Variants in GRID1 observed in about 807,000 individuals in gnomAD.
GRID1 encodes the protein glutamate receptor ionotropic, delta-1.
Under a neutral mutation model 98.0 loss-of-function variants are expected in GRID1, and 28 were observed. That is an observed-to-expected ratio of 0.29 (90% CI 0.21 to 0.39). The LOEUF is 0.39. Among genes scored for constraint, GRID1 ranks in the 10% least tolerant of loss-of-function variants. The pLI, the probability that GRID1 is intolerant of heterozygous loss-of-function variation, is 1.00. For missense variants in GRID1, 1,111 were observed against 1,340.5 expected (o/e 0.83, Z 2.67); for synonymous variants, 553 against 538.5 (o/e 1.03, Z -0.37).
chr10:85,805,982 A>G (rs1286760328), intron 8 of GRID1, among the ~76,000 whole-genome samples: 1 of 151,758 alleles, frequency 6.6e-6, no homozygotes, highest in African/African-American at 2.4e-5. Context: ...GGACCCCATA[A>G]CTATCATGCT....
chr10:85,948,650 G>T (rs1463684100), intron 4 of GRID1, among the ~76,000 whole-genome samples: 1 of 152,148 alleles, frequency 6.6e-6, no homozygotes, highest in Non-Finnish European at 1.5e-5. Flanking sequence ...ATTTAAAGCA[G>T]GTCACATATA....
intron 4 of GRID1, among the ~76,000 whole-genome samples, chr10:85,994,691 C>A (rs912916306): frequency 2.9e-4 from 44 of 152,204 alleles, no homozygotes; most frequent in Admixed American, 2.4e-3. Context: ...TGGGGTCCCC[C>A]AGCTGGTCGC....
intron 4 of GRID1, among the ~76,000 whole-genome samples, chr10:86,112,977 T>C (rs1223382252): frequency 1.3e-5 from 2 of 152,150 alleles, no homozygotes; most frequent in African/African-American, 4.8e-5. Context: ...GTATTTAAAG[T>C]ACCAAGACTC....
intron 2 of GRID1, among the ~76,000 whole-genome samples, chr10:86,297,664 A>C (rs868519625): frequency 1.1e-4 from 17 of 152,374 alleles, no homozygotes; most frequent in Middle Eastern, 6.8e-3. Flanking sequence ...GATAACTAAA[A>C]TTAAAAATAG....
chr10:85,794,559 C>T (rs1023496351), intron 8 of GRID1, among the ~76,000 whole-genome samples: 9 of 152,196 alleles, frequency 5.9e-5, no homozygotes, highest in Non-Finnish European at 1.3e-4. Flanking sequence ...TGATTATAAA[C>T]GTTAGTGTCC....
At chr10:86,110,065 C>A (rs1362875415) in intron 4 of GRID1, among the ~76,000 whole-genome samples, 1 of 150,422 alleles carries the variant, frequency 6.6e-6, no homozygotes, top group Non-Finnish European at 1.5e-5. Context: ...CTCTGCCTCT[C>A]GGGTTCAAGC....
chr10:85,772,211 C>T (rs1842277128), intron 8 of GRID1, among the ~76,000 whole-genome samples: 1 of 152,074 alleles, frequency 6.6e-6, no homozygotes, highest in Non-Finnish European at 1.5e-5. Context: ...ACAACCTGCT[C>T]CTGAATGACT....
At chr10:85,617,420 G>A (rs1268479448) in intron 14 of GRID1, among the ~76,000 whole-genome samples, 2 of 152,054 alleles carry the variant, frequency 1.3e-5, no homozygotes, top group African/African-American at 4.8e-5. Context: ...TTTTAGTAGA[G>A]ACAGGGTTTT....
chr10:86,146,485 C>T (rs68141557), intron 3 of GRID1, among the ~76,000 whole-genome samples: 2 of 152,162 alleles, frequency 1.3e-5, no homozygotes, highest in African/African-American at 2.4e-5. Flanking sequence ...ATGGCAGCAG[C>T]GTCTGCCATT....
In GRID1 at chr10:86,124,307, C is replaced by T. The variant is rs373653886; in HGVS notation, c.726+14512G>A. ...AGTGCTTTGATCTTGGACACCTCCC[C>T]AATGTCACCTGCCACCACTCTCCCC... On this transcript the variant is annotated intron_variant, in intron 4 of 15. Coordinates refer to ENST00000327946, the MANE Select transcript of GRID1 (RefSeq NM_017551.3). Among the ~76,000 whole-genome samples, 15 of 152,284 alleles carry T rather than the reference C, an allele frequency of 9.9e-5. No individual in the cohort carries two copies. In the South Asian group the frequency reaches 2.9e-3, roughly 30 times the overall value.
At chr10:85,930,255 CGGTT>C (rs2131832059) in intron 4 of GRID1, among the ~76,000 whole-genome samples, 1 of 94,656 alleles carries the variant, frequency 1.1e-5, no homozygotes, top group Non-Finnish European at 2.1e-5. Flanking sequence ...AAATAACTTG[CGGTT>C]ATTTATAACT....
At chr10:85,919,461 A>G (rs1036919944) in intron 4 of GRID1, among the ~76,000 whole-genome samples, 2 of 148,136 alleles carry the variant, frequency 1.4e-5, no homozygotes, top group East Asian at 2.6e-4. Flanking sequence ...AGATGGAGAG[A>G]AGGAGAAGCT....
intron 8 of GRID1, among the ~76,000 whole-genome samples, chr10:85,835,681 T>C (rs1477161428): frequency 6.6e-6 from 1 of 152,196 alleles, no homozygotes; most frequent in Non-Finnish European, 1.5e-5. Flanking sequence ...AATCAACCAA[T>C]AATATCTAAT....
intron 3 of GRID1, among the ~76,000 whole-genome samples, chr10:86,197,232 T>G (rs1027574272): frequency 4.6e-5 from 7 of 152,040 alleles, no homozygotes; most frequent in Non-Finnish European, 1.0e-4. Flanking sequence ...GCCCCGAAGG[T>G]GCAGCTTGCA....
chr10:85,716,141 A>AG (rs1564568511), intron 12 of GRID1, among the ~76,000 whole-genome samples: 1 of 152,102 alleles, frequency 6.6e-6, no homozygotes, highest in African/African-American at 2.4e-5. Context: ...TCCTGACCTC[A>AG]GGTGATTCAC....
At chr10:85,762,875 G>A (rs1842160057) in intron 8 of GRID1, among the ~76,000 whole-genome samples, 1 of 152,182 alleles carries the variant, frequency 6.6e-6, no homozygotes, top group African/African-American at 2.4e-5. Context: ...AATCATCCTA[G>A]GAGACAGACA....
chr10:85,687,752 A>G lies in GRID1; in HGVS notation c.1997+35251T>C, dbSNP rs1375943949. Among the ~76,000 whole-genome samples the G allele has an allele frequency of 2.0e-5, 3 of 152,368 alleles. No homozygotes were observed. In the Middle Eastern group the frequency reaches 0.01, roughly 518 times the overall value. On this transcript the variant is annotated intron_variant, in intron 12 of 15. Coordinates refer to ENST00000327946, the MANE Select transcript of GRID1 (RefSeq NM_017551.3). ...GGGATTTTAAAAAGAACACAAACGA[A>G]GTGGGAAAAGTTCAAGAACAATTTA...
chr10:85,728,601 T>C (rs771407398), intron 9 of GRID1, among the ~76,000 whole-genome samples: 6 of 152,198 alleles, frequency 3.9e-5, no homozygotes, highest in Non-Finnish European at 8.8e-5. Flanking sequence ...CCAGAGTTCC[T>C]AGTTCAAAGC....
intron 2 of GRID1, among the ~76,000 whole-genome samples, chr10:86,359,730 G>A (rs983568817): frequency 1.3e-5 from 2 of 152,150 alleles, no homozygotes; most frequent in African/African-American, 2.4e-5. Flanking sequence ...GAGAAGACTC[G>A]TGCTCAGCCA....
Sources: gnomAD v4.1 joint callset for allele counts (sites outside exome capture counted in the v4.1 genomes callset) on GRCh38, gnomAD v4.1.1 for gene constraint, MANE v1.5 for transcripts, NCBI Gene and HGNC (gene_info 2026-07-23, HGNC 2026-07-21) for gene names.